The following KLF8 variants were observed in gnomAD, a reference collection of about 807,000 sequenced individuals.
KLF8 encodes the protein KLF transcription factor 8, also known as Krueppel-like factor 8.
In KLF8, 10 loss-of-function variants were observed where a neutral mutation model predicts 18.2. The ratio of observed to expected loss-of-function variants is 0.55; its 90% CI spans 0.34 to 0.93. The LOEUF (loss-of-function observed/expected upper bound fraction) is 0.93. Ranked by LOEUF, KLF8 falls within the 40% of genes least tolerant of loss-of-function variation. The pLI is 0.02. For synonymous variants in KLF8, 109 were observed against 97.3 expected, an observed-to-expected ratio of 1.12 and a Z score of -0.71; for missense variants, 264 against 277.9, an observed-to-expected ratio of 0.95 and a Z score of 0.36.
the KLF8 span, among the ~76,000 whole-genome samples, chrX:56,011,633 A>T: frequency 4.5e-5 from 5 of 111,488 alleles, no homozygotes; most frequent in Non-Finnish European, 9.4e-5. Context: ...GGAAATAGAG[A>T]CATGAAAAAC....
intron 2 of KLF8, among the ~76,000 whole-genome samples, chrX:56,256,886 A>G (rs2066803458): frequency 9.0e-6 from 1 of 111,189 alleles, no homozygotes; most frequent in Non-Finnish European, 1.9e-5. Flanking sequence ...TATTTTTAGT[A>G]GAGACGGGGT....
At chrX:56,029,980 C>T in the KLF8 span, among the ~76,000 whole-genome samples, 3 of 112,198 alleles carry the variant, frequency 2.7e-5, no homozygotes, top group East Asian at 8.4e-4. Context: ...CAAAACCAGC[C>T]TGTTTTTGTA....
At chrX:55,971,079 A>G in the KLF8 span, among the ~76,000 whole-genome samples, 1 of 111,439 alleles carries the variant, frequency 9.0e-6, no homozygotes, top group East Asian at 2.8e-4. Flanking sequence ...ATTTATATGG[A>G]GTCACAACAG....
chrX:56,205,963 G>C, the KLF8 span, among the ~76,000 whole-genome samples: 1 of 111,743 alleles, frequency 8.9e-6, no homozygotes, highest in Non-Finnish European at 1.9e-5. Flanking sequence ...CACATGGCTG[G>C]GGAGACCTCA....
At chrX:56,035,002 G>T in the KLF8 span, among the ~76,000 whole-genome samples, 1 of 109,972 alleles carries the variant, frequency 9.1e-6, no homozygotes, top group Non-Finnish European at 1.9e-5. Flanking sequence ...TGATCCGCCC[G>T]CCTCGGCCTC....
chrX:56,008,749 G>A, the KLF8 span, among the ~76,000 whole-genome samples: 2 of 112,210 alleles, frequency 1.8e-5, no homozygotes, highest in African/African-American at 6.5e-5. Context: ...ATTTTTTCCT[G>A]CTGGTGCCAG....
At chrX:56,238,513 G>T (rs1051187561) in intron 1 of KLF8, among the ~76,000 whole-genome samples, 1 of 111,643 alleles carries the variant, frequency 9.0e-6, no homozygotes, top group Non-Finnish European at 1.9e-5. Context: ...AGTTTCTTTT[G>T]ACTAATCAGA....
At chrX:55,988,559 A>T in the KLF8 span, among the ~76,000 whole-genome samples, 1 of 111,231 alleles carries the variant, frequency 9.0e-6, no homozygotes, top group Admixed American at 9.5e-5. Flanking sequence ...CCATTGGTCT[A>T]TATCTCTGTT....
chrX:56,059,902 A>G, the KLF8 span, among the ~76,000 whole-genome samples: 1 of 112,066 alleles, frequency 8.9e-6, no homozygotes, highest in South Asian at 3.7e-4. Context: ...AGGCAATGGT[A>G]GCTTGATGAA....
the KLF8 span, among the ~76,000 whole-genome samples, chrX:56,057,485 A>G: frequency 1.8e-5 from 2 of 111,537 alleles, no homozygotes; most frequent in Non-Finnish European, 3.8e-5. Flanking sequence ...GGCCCACGGG[A>G]AGCTGCATTG....
the KLF8 span, among the ~76,000 whole-genome samples, chrX:56,188,186 C>T: frequency 9.0e-6 from 1 of 111,565 alleles, no homozygotes; most frequent in African/African-American, 3.3e-5. Context: ...TCTCAGGATA[C>T]AAAATCAATG....
At chrX:56,265,945 A>G in intron 3 of KLF8, 1 of 1,002,233 alleles carries the variant, frequency 1.0e-6, no homozygotes, top group Admixed American at 4.5e-5. Context: ...TTCTCAAACA[A>G]GTACAAGTAT....
At chrX:56,182,317 C>G in the KLF8 span, among the ~76,000 whole-genome samples, 1 of 112,289 alleles carries the variant, frequency 8.9e-6, no homozygotes, top group African/African-American at 3.2e-5. Context: ...TCCATGAGGT[C>G]ATTTAAGGTC....
the KLF8 span, among the ~76,000 whole-genome samples, chrX:55,999,285 A>ATTTTTTTTTTT: frequency 1.8e-4 from 6 of 33,568 alleles, no homozygotes; most frequent in African/African-American, 2.8e-4. Context: ...ATGCCTCCAG[A>ATTTTTTTTTTT]TTTTTTTTTT....
chrX:56,276,878 T>G (rs1342045069), intron 5 of KLF8, among the ~76,000 whole-genome samples: 1 of 111,776 alleles, frequency 8.9e-6, no homozygotes, highest in Non-Finnish European at 1.9e-5. Flanking sequence ...GGCCAATAAC[T>G]CTTAGATTTG....
chrX:56,223,222 C>A, the KLF8 span, among the ~76,000 whole-genome samples: 21 of 112,986 alleles, frequency 1.9e-4, no homozygotes, highest in African/African-American at 6.7e-4. Flanking sequence ...CCTCAATTTT[C>A]TCCTCTGTAA....
the KLF8 span, among the ~76,000 whole-genome samples, chrX:56,073,619 A>G: frequency 8.9e-6 from 1 of 111,762 alleles, no homozygotes; most frequent in Admixed American, 9.5e-5. Context: ...TATATAGACA[A>G]GGGCTCCAAT....
At chrX:56,143,731 T>A in the KLF8 span, among the ~76,000 whole-genome samples, 2 of 112,227 alleles carry the variant, frequency 1.8e-5, no homozygotes, top group Non-Finnish European at 3.8e-5. Context: ...GGGTGTTATG[T>A]ATGTCTCTTG....
chrX:56,167,785 C>T, the KLF8 span, among the ~76,000 whole-genome samples: 1 of 112,352 alleles, frequency 8.9e-6, no homozygotes, highest in Non-Finnish European at 1.9e-5. Context: ...TATCCCAGTT[C>T]AGGCAATCTT....
Sources: gnomAD v4.1 joint callset for allele counts (sites outside exome capture counted in the v4.1 genomes callset) on GRCh38, gnomAD v4.1.1 for gene constraint, MANE v1.5 for transcripts, NCBI Gene and HGNC (gene_info 2026-07-23, HGNC 2026-07-21) for gene names.